Variants in LHFPL3 observed in about 807,000 individuals in gnomAD.
LHFPL3 encodes the protein LHFPL tetraspan subfamily member 3, also known as LHFPL tetraspan subfamily member 3 protein.
Under a neutral mutation model 19.3 loss-of-function variants are expected in LHFPL3, and 5 were observed. The ratio of observed to expected loss-of-function variants is 0.26; its 90% CI spans 0.14 to 0.54. LHFPL3 has a LOEUF of 0.54. Ranked by LOEUF, LHFPL3 falls within the 20% of genes least tolerant of loss-of-function variation. The pLI, the probability that LHFPL3 is intolerant of heterozygous loss-of-function variation, is 0.94. For missense variants in LHFPL3, 249 were observed against 307.4 expected (o/e 0.81, Z 1.42); for synonymous variants, 133 against 126.2 (o/e 1.05, Z -0.36).
At chr7:104,622,294 C>G (rs1224972519) in intron 1 of LHFPL3, among the ~76,000 whole-genome samples, 1 of 151,992 alleles carries the variant, frequency 6.6e-6, no homozygotes, top group Non-Finnish European at 1.5e-5. Context: ...TGTATTTCTT[C>G]TAGAGATGGA....
chr7:104,470,850 C>T (rs891691380), intron 1 of LHFPL3, among the ~76,000 whole-genome samples: 4 of 152,172 alleles, frequency 2.6e-5, no homozygotes, highest in African/African-American at 9.7e-5. Context: ...TTCATTCCAG[C>T]TCTCATTTCC....
intron 1 of LHFPL3, among the ~76,000 whole-genome samples, chr7:104,427,055 C>A (rs543041969): frequency 6.6e-6 from 1 of 152,156 alleles, no homozygotes; most frequent in African/African-American, 2.4e-5. Flanking sequence ...CTAGGTACTG[C>A]GCTAAGTTCT....
intron 1 of LHFPL3, among the ~76,000 whole-genome samples, chr7:104,688,720 C>T (rs950496389): frequency 6.6e-6 from 1 of 152,170 alleles, no homozygotes; most frequent in African/African-American, 2.4e-5. Context: ...CCTCAGGACC[C>T]ACCCCAACAC....
At chr7:104,420,603 A>C (rs1791710669) in intron 1 of LHFPL3, among the ~76,000 whole-genome samples, 1 of 117,950 alleles carries the variant, frequency 8.5e-6, no homozygotes, top group South Asian at 2.8e-4. Flanking sequence ...TCTTTCGCCC[A>C]GGCTGGAGTG....
intron 1 of LHFPL3, among the ~76,000 whole-genome samples, chr7:104,379,504 A>G (rs1372911796): frequency 1.3e-5 from 2 of 152,200 alleles, no homozygotes; most frequent in Non-Finnish European, 2.9e-5. Flanking sequence ...TGAGAGAAGT[A>G]GTGTCTGAAA....
chr7:104,871,652 T>G (rs986822237), intron 2 of LHFPL3, among the ~76,000 whole-genome samples: 5 of 152,164 alleles, frequency 3.3e-5, no homozygotes, highest in Non-Finnish European at 7.4e-5. Context: ...ATCGTACAGC[T>G]GCACCAAAAA....
intron 1 of LHFPL3, among the ~76,000 whole-genome samples, chr7:104,632,262 C>T (rs1206810058): frequency 6.6e-6 from 1 of 152,168 alleles, no homozygotes; most frequent in South Asian, 2.1e-4. Flanking sequence ...ACAAGACTTG[C>T]AGTCATCCCT....
At chr7:104,430,454 A>AT (rs1172420054) in intron 1 of LHFPL3, among the ~76,000 whole-genome samples, 16 of 15,294 alleles carry the variant, frequency 1.0e-3, no homozygotes, top group African/African-American at 2.7e-3. Context: ...ATATATATAT[A>AT]TTTTTTTTTT....
chr7:104,485,227 A>C (rs1793216108), intron 1 of LHFPL3, among the ~76,000 whole-genome samples: 1 of 152,114 alleles, frequency 6.6e-6, no homozygotes, highest in African/African-American at 2.4e-5. Context: ...TAAAAGAGAT[A>C]TATTTTATCA....
intron 1 of LHFPL3, among the ~76,000 whole-genome samples, chr7:104,675,686 A>G (rs1054405183): frequency 6.6e-6 from 1 of 152,182 alleles, no homozygotes; most frequent in African/African-American, 2.4e-5. Flanking sequence ...GGCAGAGTAA[A>G]CAGGTATTGC....
At chr7:104,474,918 ACT>A (rs1792982092) in intron 1 of LHFPL3, among the ~76,000 whole-genome samples, 1 of 152,194 alleles carries the variant, frequency 6.6e-6, no homozygotes, top group South Asian at 2.1e-4. Flanking sequence ...AGCATGTAAA[ACT>A]AGTGTACAGA....
chr7:104,393,920 A>C lies in LHFPL3; in HGVS notation c.445+64696A>C, dbSNP rs1014558. Among the ~76,000 whole-genome samples the C allele has an allele frequency of 2.4e-3, 370 of 152,262 alleles. 15 individuals are homozygous for C. In the East Asian group the frequency reaches 0.06, roughly 25 times the overall value. On this transcript the variant is annotated intron_variant, in intron 1 of 2. Transcript: ENST00000424859. ...ATGGATCCCTAGAGACAGAAGATAA[A>C]TTAATGATTGCTAGGAGTTTGAGGG...
chr7:104,330,410 C>A (rs147403284), intron 1 of LHFPL3, among the ~76,000 whole-genome samples: 54 of 152,204 alleles, frequency 3.5e-4, no homozygotes, highest in South Asian at 1.2e-3. Context: ...TTATTCTATT[C>A]CTGGGAAGGT....
At chr7:104,899,544 T>C (rs918442209) in intron 2 of LHFPL3, among the ~76,000 whole-genome samples, 1 of 152,188 alleles carries the variant, frequency 6.6e-6, no homozygotes, top group Non-Finnish European at 1.5e-5. Flanking sequence ...GCTGGTAGTC[T>C]TTCCCACACA....
intron 2 of LHFPL3, among the ~76,000 whole-genome samples, chr7:104,777,720 A>T (rs565181723): frequency 2.9e-4 from 44 of 152,224 alleles, no homozygotes; most frequent in African/African-American, 1.0e-3. Flanking sequence ...CTCTGGCTGT[A>T]CAATGCTCGG....
intron 1 of LHFPL3, among the ~76,000 whole-genome samples, chr7:104,495,561 T>G (rs1003304953): frequency 2.6e-5 from 4 of 152,090 alleles, no homozygotes; most frequent in Non-Finnish European, 4.4e-5. Flanking sequence ...TTTTTTGTAT[T>G]TTTAGTAGAG....
At chr7:104,608,299 T>A (rs1186447501) in intron 1 of LHFPL3, among the ~76,000 whole-genome samples, 1 of 151,928 alleles carries the variant, frequency 6.6e-6, no homozygotes, top group Non-Finnish European at 1.5e-5. Flanking sequence ...ATATACACCA[T>A]GGGATACTAT....
At chr7:104,865,718 C>T (rs1791708217) in intron 2 of LHFPL3, among the ~76,000 whole-genome samples, 2 of 152,086 alleles carry the variant, frequency 1.3e-5, no homozygotes, top group African/African-American at 2.4e-5. Context: ...TCAGGAAATA[C>T]AGAGAATGCC....
intron 1 of LHFPL3, among the ~76,000 whole-genome samples, chr7:104,425,392 A>AT (rs996268320): frequency 2.5e-4 from 38 of 150,864 alleles, no homozygotes; most frequent in South Asian, 1.3e-3. Context: ...CAAAAGTTAG[A>AT]TTTTTTTTTT....
Sources: allele counts gnomAD v4.1 joint callset (sites outside exome capture counted in the v4.1 genomes callset), GRCh38; gene constraint gnomAD v4.1.1; transcripts MANE v1.5; gene names NCBI Gene and HGNC (gene_info 2026-07-23, HGNC 2026-07-21).